NELFA: variants seen among roughly 807,000 people sequenced by gnomAD.
NELFA encodes negative elongation factor A.
A neutral mutation model predicts 51.8 loss-of-function variants in NELFA; 35 were observed. The ratio of observed to expected loss-of-function variants is 0.68; its 90% CI spans 0.52 to 0.90. NELFA has a LOEUF of 0.90. Among genes scored for constraint, NELFA ranks in the 40% least tolerant of loss-of-function variants. The pLI is 0.00. For synonymous variants in NELFA, 417 were observed against 338.4 expected (o/e 1.23, Z -2.55); for missense variants, 658 against 746.4 (o/e 0.88, Z 1.38).
chr4:2,005,997 T>G (rs231191), intron 1 of NELFA, among the ~76,000 whole-genome samples: 43,539 of 151,984 alleles, frequency 0.29, 6,415 homozygotes, highest in African/African-American at 0.34. Flanking sequence ...AGTAAGTATA[T>G]AAGATACATG....
intron 2 of NELFA, among the ~76,000 whole-genome samples, chr4:1,990,216 C>G (rs180741020): frequency 2.0e-5 from 3 of 152,078 alleles, no homozygotes; most frequent in African/African-American, 7.2e-5. Context: ...CCCACCCCCA[C>G]GTAAGAAGGA....
chr4:1,985,958 G>A, intron 6 of NELFA, 94 bp from the exon 7 acceptor site: 1 of 1,347,834 alleles, frequency 7.4e-7, no homozygotes, highest in Non-Finnish European at 1.0e-6. Context: ...TCCCAGGGGA[G>A]GCCACCAAGG....
At chr4:1,990,538 A>G (rs1297007845) in intron 2 of NELFA, 3 of 456,626 alleles carry the variant, frequency 6.6e-6, no homozygotes, top group Non-Finnish European at 1.3e-5. Context: ...ACTGCTCCAG[A>G]GGCATCTGTG....
chr4:1,994,077 G>A (rs1389408907), intron 1 of NELFA, among the ~76,000 whole-genome samples: 4 of 152,076 alleles, frequency 2.6e-5, no homozygotes, highest in African/African-American at 9.7e-5. Context: ...CTCTTCCCTG[G>A]TATAAAGAAC....
intron 2 of NELFA, chr4:1,990,571 G>A (rs561914872): frequency 2.2e-6 from 1 of 450,452 alleles, no homozygotes; most frequent in African/African-American, 2.0e-5. Flanking sequence ...CCTCACAGGT[G>A]GGGAGAGGTG....
chr4:2,004,565 G>A (rs896336338), intron 1 of NELFA, among the ~76,000 whole-genome samples: 1 of 151,782 alleles, frequency 6.6e-6, no homozygotes, highest in Admixed American at 6.6e-5. Context: ...ATGGCTCGCC[G>A]CATCCTCAAC....
chr4:1,999,294 A>G (rs1293406078), intron 1 of NELFA, among the ~76,000 whole-genome samples: 2 of 151,650 alleles, frequency 1.3e-5, no homozygotes, highest in African/African-American at 2.4e-5. Flanking sequence ...CACACATAAC[A>G]ATATTAACCT....
chr4:2,008,801 C>T lies in NELFA; in HGVS notation c.159G>A (p.Lys53=), dbSNP rs1228566593. 6.2e-7 allele frequency: 1 copy of T among 1,612,700 alleles called. No individual in the cohort carries two copies. Among genetic ancestry groups the T allele is most frequent in the Non-Finnish European group, 8.5e-7 (1 of 1,179,608 alleles). Residue 53 remains lysine (K), a synonymous_variant, in exon 1 of 11, where the codon AAG becomes AAA. Coordinates refer to ENST00000382882, the MANE Select transcript of NELFA (RefSeq NM_005663.5). Reference sequence around the variant, plus strand: ...GCAGCGTCCCGAGTAGCAACTTGAGCTTCACTGCCGACGAGAGGCCATGGA... The same window carrying T: ...GCAGCGTCCCGAGTAGCAACTTGAGTTTCACTGCCGACGAGAGGCCATGGA... ...LCFHGLSSAV[K]LKLLLGTLHL...
intron 2 of NELFA, chr4:1,990,580 T>C (rs1577618305): frequency 2.2e-6 from 1 of 448,022 alleles, no homozygotes; most frequent in African/African-American, 2.0e-5. Flanking sequence ...TGGGGAGAGG[T>C]GCCACTTGCA....
At chr4:1,988,033 A>G (rs775444273) in intron 3 of NELFA, 26 bp from the exon 4 acceptor site, 4 of 1,591,404 alleles carry the variant, frequency 2.5e-6, no homozygotes, top group African/African-American at 2.7e-5. Flanking sequence ...CACATATGTC[A>G]GGGATCCTCA....
chr4:1,985,754 G>A lies in NELFA; in HGVS notation c.924+22C>T, dbSNP rs779387279. ...GGGCACCCGCAGTGGTGCCAGACATGGGGTGCAGCCCCGAGCCCTACCTGC... is the reference window on the plus strand; with the variant it reads ...GGGCACCCGCAGTGGTGCCAGACATAGGGTGCAGCCCCGAGCCCTACCTGC... On this transcript the variant is annotated intron_variant, in intron 7 of 10. Transcript: ENST00000382882. 7 of 1,606,428 alleles carry A rather than the reference G, an allele frequency of 4.4e-6. No homozygotes were observed. The East Asian group carries it at 1.6e-4, about 36-fold the overall frequency.
At chr4:1,986,519 C>A (rs773635346) in intron 4 of NELFA, 117 bp from the exon 5 acceptor site, 4 of 1,515,088 alleles carry the variant, frequency 2.6e-6, no homozygotes, top group Middle Eastern at 2.0e-4. Flanking sequence ...AGGGCCAAAC[C>A]CCTGGCGGGC....
At position 1,983,990 on chromosome 4, in the gene NELFA, G is replaced by A. The variant is rs2234573; in HGVS notation, c.1160C>T (p.Thr387Met). The change falls in exon 9 of 11, where the codon ACG (threonine) becomes ATG (methionine). Residue 387 changes from threonine (T) to methionine (M), a missense_variant. Physicochemically the swap from Thr to Met is moderately conservative, Grantham distance 81 (BLOSUM62 -1). Transcript: ENST00000382882. ...YNSGLSPATP[T>M]PAAPTSPLTP... ...CAGAGGCGAGGTGGGCGCCGCAGGC[G>A]TGGGTGTGGCAGGGCTCAGGCCGCT... is the stretch of plus-strand genomic sequence containing the variant. The A allele has an allele frequency of 1.9e-4, 307 of 1,609,876 alleles. 3 individuals are homozygous for A. In the East Asian group the frequency reaches 3.7e-3, roughly 20 times the overall value.
At chr4:1,985,096 C>A (rs563037962) in intron 7 of NELFA, among the ~76,000 whole-genome samples, 177 bp from the exon 8 acceptor site, 2 of 151,788 alleles carry the variant, frequency 1.3e-5, no homozygotes, top group East Asian at 1.9e-4. Context: ...TGGCCCCTGG[C>A]GCCCCAGCAG....
In NELFA at chr4:1,987,942, G is replaced by A; in HGVS notation, c.610C>T (p.Leu204=). The stretch of plus-strand genomic sequence containing the variant: ...CTGGTGGTGTCCATCTTCCGCAGCA[G>A]CCCCCGGCCCTTGGCGTGGAAGGGC... The part of the protein sequence containing the change: ...GVPFHAKGRG[L]LRKMDTTTPL... Residue 204 remains leucine, a synonymous_variant, in exon 4 of 11, where the codon CTG becomes TTG. Coordinates refer to ENST00000382882, the MANE Select transcript of NELFA (RefSeq NM_005663.5). The A allele has an allele frequency of 6.2e-7, 1 of 1,609,736 alleles. No homozygotes were observed. Among genetic ancestry groups the A allele is most frequent in the South Asian group, 1.1e-5 (1 of 89,848 alleles).
intron 7 of NELFA, 65 bp from the exon 8 acceptor site, chr4:1,984,984 G>C: frequency 8.3e-7 from 1 of 1,203,414 alleles, no homozygotes; most frequent in Non-Finnish European, 1.2e-6. Context: ...CTAACACATG[G>C]CCCGACCCGG....
At chr4:2,007,915 C>G in intron 1 of NELFA, 1 of 454,786 alleles carries the variant, frequency 2.2e-6, no homozygotes, top group Non-Finnish European at 4.4e-6. Context: ...CGGTTTATTT[C>G]GCACGGAAAG....
Position 1,986,736 on chromosome 4 carries a change from C to T in NELFA, c.635-334G>A, listed in dbSNP as rs567553406. Among the ~76,000 whole-genome samples the T allele has an allele frequency of 1.2e-4, 18 of 149,252 alleles. No homozygotes were observed. The East Asian group carries it at 2.8e-3, about 23-fold the overall frequency. On this transcript the variant is annotated intron_variant, in intron 4 of 10. Transcript: ENST00000382882. ...CCACCGGCAGGGGCATGAAGCCAGG[C>T]GCCTGGGCTTGAGGGCCGCCCTCCC...
At chr4:2,004,027 CG>C (rs2109068527) in intron 1 of NELFA, 1 of 151,932 alleles carries the variant, frequency 6.6e-6, no homozygotes, top group East Asian at 1.9e-4. Context: ...GGCATGGTGG[CG>C]CGTGTCTCTA....
Sources: gnomAD v4.1 joint callset for allele counts (sites outside exome capture counted in the v4.1 genomes callset) on GRCh38, gnomAD v4.1.1 for gene constraint, MANE v1.5 for transcripts, NCBI Gene and HGNC (gene_info 2026-07-23, HGNC 2026-07-21) for gene names.